Variants in MIR2052HG observed in about 807,000 individuals in gnomAD.
MIR2052HG encodes the protein MIR2052 host gene.
chr8:74,644,255 G>T (rs933437081), intron 2 of MIR2052HG, among the ~76,000 whole-genome samples: 2 of 152,186 alleles, frequency 1.3e-5, no homozygotes, highest in Non-Finnish European at 2.9e-5. Flanking sequence ...TAACATACGC[G>T]ACAGTGGTCC....
intron 2 of MIR2052HG, among the ~76,000 whole-genome samples, chr8:74,641,325 A>G (rs914228250): frequency 6.6e-6 from 1 of 152,150 alleles, no homozygotes; most frequent in African/African-American, 2.4e-5. Flanking sequence ...GATGAGTTGT[A>G]TAATTATCTG....
At chr8:74,653,494 T>G (rs1407764573) in intron 2 of MIR2052HG, among the ~76,000 whole-genome samples, 1 of 152,218 alleles carries the variant, frequency 6.6e-6, no homozygotes, top group African/African-American at 2.4e-5. Context: ...CATTTATTAG[T>G]GTCATGCTAA....
chr8:74,607,330 G>A (rs903893134), intron 1 of MIR2052HG, among the ~76,000 whole-genome samples: 8 of 152,150 alleles, frequency 5.3e-5, no homozygotes, highest in Non-Finnish European at 1.2e-4. Context: ...ACACATAACA[G>A]GCCAGGCATG....
At chr8:74,703,316 C>T (rs925942533) in intron 3 of MIR2052HG, among the ~76,000 whole-genome samples, 2 of 152,014 alleles carry the variant, frequency 1.3e-5, no homozygotes, top group Non-Finnish European at 2.9e-5. Context: ...AAGGATGCAT[C>T]AGTACCATAA....
intron 2 of MIR2052HG, among the ~76,000 whole-genome samples, chr8:74,613,224 T>G (rs1808226525): frequency 6.6e-6 from 1 of 152,168 alleles, no homozygotes; most frequent in Non-Finnish European, 1.5e-5. Context: ...TTTAGCACTT[T>G]GGAGTGACTG....
intron 1 of MIR2052HG, among the ~76,000 whole-genome samples, chr8:74,607,395 T>C (rs570839746): frequency 7.2e-4 from 109 of 152,278 alleles, no homozygotes; most frequent in African/African-American, 2.4e-3. Flanking sequence ...GTGGATCACC[T>C]GAGGTCAGGA....
At chr8:74,647,276 A>G (rs1808698710) in intron 2 of MIR2052HG, among the ~76,000 whole-genome samples, 1 of 152,188 alleles carries the variant, frequency 6.6e-6, no homozygotes, top group Non-Finnish European at 1.5e-5. Context: ...CCCAGGTTTT[A>G]GGCAAAAGCT....
intron 4 of MIR2052HG, among the ~76,000 whole-genome samples, chr8:74,728,364 G>A (rs1314985970): frequency 1.3e-5 from 2 of 152,174 alleles, no homozygotes; most frequent in Admixed American, 6.5e-5. Flanking sequence ...AGAATAATTA[G>A]TTGTGGGTTT....
intron 2 of MIR2052HG, chr8:74,628,856 T>C (rs1022131660): frequency 4.0e-5 from 6 of 151,714 alleles, no homozygotes; most frequent in Non-Finnish European, 5.9e-5. Flanking sequence ...CAAAGAAGAC[T>C]GTGGTGGCCC....
chr8:74,643,291 T>C (rs1808659208), intron 2 of MIR2052HG, among the ~76,000 whole-genome samples: 1 of 152,186 alleles, frequency 6.6e-6, no homozygotes, highest in Admixed American at 6.5e-5. Flanking sequence ...TTAAGCATGG[T>C]AGTAAATGTG....
intron 2 of MIR2052HG, among the ~76,000 whole-genome samples, chr8:74,654,014 C>T (rs1808778295): frequency 6.6e-6 from 1 of 152,152 alleles, no homozygotes; most frequent in South Asian, 2.1e-4. Context: ...TATAGTCTTA[C>T]ATATGCAAAT....
At chr8:74,638,935 G>A (rs577922809) in intron 2 of MIR2052HG, among the ~76,000 whole-genome samples, 5 of 152,214 alleles carry the variant, frequency 3.3e-5, no homozygotes, top group African/African-American at 1.2e-4. Flanking sequence ...ACTGAGTCCT[G>A]GAGAATATGA....
chr8:74,740,847 C>A (rs1281720938), intron 4 of MIR2052HG, among the ~76,000 whole-genome samples: 1 of 152,118 alleles, frequency 6.6e-6, no homozygotes, highest in African/African-American at 2.4e-5. Context: ...CACTCAAATA[C>A]GTTATTTCCA....
chr8:74,690,742 G>A (rs1457054563), intron 2 of MIR2052HG, among the ~76,000 whole-genome samples: 4 of 152,056 alleles, frequency 2.6e-5, no homozygotes, highest in African/African-American at 9.7e-5. Context: ...AGGTCTTGAG[G>A]AGCCTTCTAT....
At chr8:74,691,130 A>T (rs1809235619) in intron 2 of MIR2052HG, among the ~76,000 whole-genome samples, 1 of 152,214 alleles carries the variant, frequency 6.6e-6, no homozygotes, top group African/African-American at 2.4e-5. Flanking sequence ...AAGGAGCACA[A>T]TGTGTACAAA....
intron 4 of MIR2052HG, among the ~76,000 whole-genome samples, chr8:74,723,065 T>C (rs1809595341): frequency 6.6e-6 from 1 of 152,222 alleles, no homozygotes; most frequent in African/African-American, 2.4e-5. Flanking sequence ...AATGACCCTG[T>C]CTCTCTGCAG....
At chr8:74,703,492 C>T (rs1316805360) in intron 3 of MIR2052HG, 1 of 304,374 alleles carries the variant, frequency 3.3e-6, no homozygotes, top group Non-Finnish European at 6.5e-6. Context: ...GATGACTGTA[C>T]TCCATGGATA....
chr8:74,697,155 A>G (rs1204229894), intron 2 of MIR2052HG, among the ~76,000 whole-genome samples: 1 of 152,180 alleles, frequency 6.6e-6, no homozygotes, highest in East Asian at 1.9e-4. Flanking sequence ...CATACCAGAG[A>G]TGGACAGATG....
intron 4 of MIR2052HG, among the ~76,000 whole-genome samples, chr8:74,705,049 T>C (rs1365843969): frequency 6.6e-6 from 1 of 151,450 alleles, no homozygotes; most frequent in Non-Finnish European, 1.5e-5. Context: ...TTTTATTCTT[T>C]CTTTTTTTTT....
Sources: allele counts gnomAD v4.1 joint callset (sites outside exome capture counted in the v4.1 genomes callset), GRCh38; gene constraint gnomAD v4.1.1; transcripts MANE v1.5; gene names NCBI Gene and HGNC (gene_info 2026-07-23, HGNC 2026-07-21).